The following HIVEP3 variants were observed in gnomAD, a reference collection of about 807,000 sequenced individuals.
The protein encoded by HIVEP3 is HIVEP zinc finger 3.
HIVEP3 carries 49 observed loss-of-function variants against 152.8 expected under a neutral mutation model. That is an observed-to-expected ratio of 0.32 (90% CI 0.26 to 0.41). The LOEUF (loss-of-function observed/expected upper bound fraction) is 0.41. HIVEP3 is among the 10% of genes least tolerant of loss of function. The pLI is 1.00. For missense variants in HIVEP3, 2,790 were observed against 3,103.3 expected, an observed-to-expected ratio of 0.90 and a Z score of 2.40; for synonymous variants, 1,269 against 1,289.0, an observed-to-expected ratio of 0.98 and a Z score of 0.33.
chr1:41,916,358 C>T (rs1644871445), intron 1 of HIVEP3, among the ~76,000 whole-genome samples: 1 of 152,194 alleles, frequency 6.6e-6, no homozygotes, highest in Non-Finnish European at 1.5e-5. Flanking sequence ...GGCAAAAAAA[C>T]AATCTTAGCC....
chr1:41,712,130 T>A (rs1334455015), intron 1 of HIVEP3, among the ~76,000 whole-genome samples: 1 of 152,216 alleles, frequency 6.6e-6, no homozygotes, highest in African/African-American at 2.4e-5. Flanking sequence ...CAAGTACTCA[T>A]CAAGCACCTG....
At chr1:41,877,174 C>T (rs1213501269) in intron 1 of HIVEP3, among the ~76,000 whole-genome samples, 4 of 152,214 alleles carry the variant, frequency 2.6e-5, no homozygotes, top group Admixed American at 2.6e-4. Flanking sequence ...TCCCCAAGCT[C>T]TGCCAACACC....
chr1:42,004,602 T>C (rs1221008226), intron 1 of HIVEP3, among the ~76,000 whole-genome samples: 3 of 152,192 alleles, frequency 2.0e-5, no homozygotes, highest in African/African-American at 4.8e-5. Context: ...TCTTCAGGAA[T>C]GTAAGTTACT....
chr1:41,635,791 C>A (rs1189317321), intron 2 of HIVEP3, among the ~76,000 whole-genome samples: 1 of 151,902 alleles, frequency 6.6e-6, no homozygotes, highest in African/African-American at 2.4e-5. Context: ...TAAACATATA[C>A]GTGAACATTT....
intron 5 of HIVEP3, among the ~76,000 whole-genome samples, chr1:41,529,059 C>A (rs1156767460): frequency 7.0e-6 from 1 of 141,974 alleles, no homozygotes; most frequent in South Asian, 2.4e-4. Flanking sequence ...ACACCCCCAC[C>A]CTCACCCTCA....
At chr1:41,716,154 G>A (rs1570383193) in intron 1 of HIVEP3, among the ~76,000 whole-genome samples, 1 of 152,230 alleles carries the variant, frequency 6.6e-6, no homozygotes, top group African/African-American at 2.4e-5. Context: ...TCTGAGGCCA[G>A]AACCTACCAG....
At chr1:41,858,513 C>A (rs1405573956) in intron 1 of HIVEP3, among the ~76,000 whole-genome samples, 2 of 152,170 alleles carry the variant, frequency 1.3e-5, no homozygotes, top group African/African-American at 4.8e-5. Context: ...ACCGACATCC[C>A]ACTTTGGAGA....
At chr1:41,532,839 T>C (rs1290915632) in intron 5 of HIVEP3, among the ~76,000 whole-genome samples, 1 of 152,038 alleles carries the variant, frequency 6.6e-6, no homozygotes, top group African/African-American at 2.4e-5. Flanking sequence ...GAAGGGGATA[T>C]GTAGATTTGG....
chr1:41,545,243 CACCAAT>C (rs1229125737), intron 5 of HIVEP3, among the ~76,000 whole-genome samples: 19 of 139,426 alleles, frequency 1.4e-4, no homozygotes, highest in African/African-American at 1.9e-4. Context: ...TCACCACCAC[CACCAAT>C]ACCACTACCA....
chr1:41,712,226 G>A (rs774824944), intron 1 of HIVEP3, among the ~76,000 whole-genome samples: 47 of 152,258 alleles, frequency 3.1e-4, no homozygotes, highest in Non-Finnish European at 1.0e-4. Context: ...AGTGCCCTGC[G>A]ACAAGTGGCA....
chr1:41,955,324 G>A (rs1029544060), intron 1 of HIVEP3, among the ~76,000 whole-genome samples: 36 of 152,148 alleles, frequency 2.4e-4, no homozygotes, highest in Non-Finnish European at 7.3e-5. Flanking sequence ...TGTCTCTGTG[G>A]GTTATGAATT....
At chr1:41,578,270 C>T (rs1487251902) in intron 4 of HIVEP3, among the ~76,000 whole-genome samples, 1 of 152,104 alleles carries the variant, frequency 6.6e-6, no homozygotes, top group Non-Finnish European at 1.5e-5. Context: ...AATAGGTATC[C>T]AAAAAGTTAG....
At chr1:41,898,138 T>C (rs1346465567) in intron 1 of HIVEP3, among the ~76,000 whole-genome samples, 2 of 152,202 alleles carry the variant, frequency 1.3e-5, no homozygotes, top group Non-Finnish European at 2.9e-5. Flanking sequence ...GCAGGAAATA[T>C]TGGTTTCATC....
At chr1:41,929,730 A>G (rs899785231) in intron 1 of HIVEP3, among the ~76,000 whole-genome samples, 3 of 120,290 alleles carry the variant, frequency 2.5e-5, no homozygotes, top group Non-Finnish European at 4.7e-5. Flanking sequence ...GTGTTTTTAT[A>G]TATATATATA....
At chr1:41,646,525 C>T (rs1400524730) in intron 2 of HIVEP3, among the ~76,000 whole-genome samples, 5 of 152,182 alleles carry the variant, frequency 3.3e-5, no homozygotes, top group Non-Finnish European at 7.3e-5. Context: ...GAGATGATGT[C>T]TGCACAGTGT....
intron 1 of HIVEP3, among the ~76,000 whole-genome samples, chr1:41,845,569 C>A (rs1211457645): frequency 6.6e-6 from 1 of 152,032 alleles, no homozygotes; most frequent in Non-Finnish European, 1.5e-5. Context: ...TATTGCCAAG[C>A]CTTCCATTAA....
intron 5 of HIVEP3, among the ~76,000 whole-genome samples, chr1:41,561,409 G>A (rs1037642389): frequency 2.6e-5 from 4 of 152,116 alleles, no homozygotes; most frequent in African/African-American, 9.7e-5. Flanking sequence ...AACAATGCCC[G>A]AAGATGGAAA....
chr1:41,517,977 A>T (rs1642656139), intron 7 of HIVEP3, among the ~76,000 whole-genome samples: 2 of 152,202 alleles, frequency 1.3e-5, no homozygotes, highest in Admixed American at 1.3e-4. Flanking sequence ...TATGTGTCCC[A>T]CAGTGTCACT....
rs958320637 is a variant in HIVEP3 at position 41,519,517 on chromosome 1, G to A, written c.5384-1029C>T. Among the ~76,000 whole-genome samples, 14 of 152,326 alleles carry A rather than the reference G, an allele frequency of 9.2e-5. No homozygotes were observed. In the South Asian group the frequency reaches 2.3e-3, roughly 25 times the overall value. On this transcript the variant is annotated intron_variant, in intron 6 of 8. Transcript: ENST00000372583. Reference sequence around the variant, plus strand: ...TGGGCCCAGCAGCTACTCCCAAACCGTGATGTGCTCACTGTTGCCCTGGGG... The same window carrying A: ...TGGGCCCAGCAGCTACTCCCAAACCATGATGTGCTCACTGTTGCCCTGGGG...
Sources: allele counts gnomAD v4.1 joint callset (sites outside exome capture counted in the v4.1 genomes callset), GRCh38; gene constraint gnomAD v4.1.1; transcripts MANE v1.5; gene names NCBI Gene and HGNC (gene_info 2026-07-23, HGNC 2026-07-21).